The following AS3MT variants were observed in gnomAD, a reference collection of about 807,000 sequenced individuals.
AS3MT encodes arsenite methyltransferase.
AS3MT carries 47 observed loss-of-function variants against 45.3 expected under a neutral mutation model. The observed-to-expected ratio is 1.04, with a 90% confidence interval of 0.82 to 1.32. AS3MT has a LOEUF of 1.32. Among genes scored for constraint, AS3MT ranks in the 40% most tolerant of loss-of-function variants. The pLI is 0.00. For synonymous variants in AS3MT, 141 were observed against 152.8 expected (o/e 0.92, Z 0.57); for missense variants, 396 against 451.1 (o/e 0.88, Z 1.11).
At chr10:102,889,223 C>G (rs1394740845) in intron 9 of AS3MT, among the ~76,000 whole-genome samples, 1 of 152,040 alleles carries the variant, frequency 6.6e-6, no homozygotes, top group South Asian at 2.1e-4. Flanking sequence ...ATCAACTTCT[C>G]TTTATCTCCC....
intron 9 of AS3MT, among the ~76,000 whole-genome samples, chr10:102,888,413 GTCTTT>G (rs1258537847): frequency 1.3e-5 from 2 of 151,836 alleles, no homozygotes; most frequent in Admixed American, 6.6e-5. Flanking sequence ...TTCAATATTT[GTCTTT>G]TCTTTTCTTT....
intron 3 of AS3MT, among the ~76,000 whole-genome samples, chr10:102,871,837 G>C (rs1377282869): frequency 6.6e-6 from 1 of 152,154 alleles, no homozygotes; most frequent in Non-Finnish European, 1.5e-5. Flanking sequence ...GCCTGAATTA[G>C]AAGCTCAGCT....
chr10:102,869,484 C>G lies in AS3MT; in HGVS notation c.-109C>G, dbSNP rs1844634888. 3 of 1,534,636 alleles carry G rather than the reference C, an allele frequency of 2.0e-6. No individual in the cohort carries two copies. Among genetic ancestry groups the G allele is most frequent in the Non-Finnish European group, 2.6e-6 (3 of 1,147,056 alleles). Reference sequence around the variant, plus strand: ...GGGGCCTCGGCACAGGAGCTGGCTGCGGGAGCCCGCCGTCCTGAGTCGCAG... The same window carrying G: ...GGGGCCTCGGCACAGGAGCTGGCTGGGGGAGCCCGCCGTCCTGAGTCGCAG... On this transcript the variant is annotated 5_prime_UTR_variant, in exon 1 of 11. Transcript: ENST00000369880.
At chr10:102,869,894 G>A (rs920257953) in intron 2 of AS3MT, 49 bp downstream of exon 2, 1 of 1,610,322 alleles carries the variant, frequency 6.2e-7, no homozygotes, top group Admixed American at 1.7e-5. Context: ...TAGGCTAATG[G>A]AAGTCTGGCC....
chr10:102,898,557 T>C (rs1175902365), intron 10 of AS3MT, among the ~76,000 whole-genome samples: 1 of 151,992 alleles, frequency 6.6e-6, no homozygotes, highest in Non-Finnish European at 1.5e-5. Flanking sequence ...GCCACTGCAC[T>C]CCAGCCTCGG....
At position 102,870,291 on chromosome 10, in the gene AS3MT, T is replaced by C; in HGVS notation, c.170+80T>C. 3 of 1,550,400 alleles carry C rather than the reference T, an allele frequency of 1.9e-6. No individual in the cohort carries two copies. In the South Asian group the frequency reaches 3.5e-5, roughly 18 times the overall value. ...GATAATGATGCAGGTCACTAGGGAATTAACCCGTAGCCACCAACCCATCAG... is the reference window on the plus strand; with the variant it reads ...GATAATGATGCAGGTCACTAGGGAACTAACCCGTAGCCACCAACCCATCAG... On this transcript the variant is annotated intron_variant, in intron 3 of 10. Coordinates refer to ENST00000369880, the MANE Select transcript of AS3MT (RefSeq NM_020682.4).
At position 102,872,544 on chromosome 10, in the gene AS3MT, C is replaced by A. The variant is rs144713814; in HGVS notation, c.267C>A (p.Ser89Arg). The A allele has an allele frequency of 1.2e-4, 193 of 1,613,822 alleles. No homozygotes were observed. The East Asian group carries it at 3.3e-3, about 28-fold the overall frequency. ...GTGGCAGAGATTGCTATGTACTTAG[C>A]CAGCTGGTTGGTGAAAAAGGACACG... ...SGSGRDCYVL[S>R]QLVGEKGHVT... is the part of the protein sequence containing the mutation. Residue 89 changes from serine to arginine, a missense_variant, in exon 4 of 11, where the codon AGC (serine) becomes AGA (arginine). Physicochemically the swap from Ser to Arg is moderately radical, Grantham distance 110 (BLOSUM62 -1). Coordinates refer to ENST00000369880, the MANE Select transcript of AS3MT (RefSeq NM_020682.4).
In AS3MT at chr10:102,881,830, G is replaced by A. The variant is rs1844870290; in HGVS notation, c.885+2839G>A. On this transcript the variant is annotated intron_variant, in intron 9 of 10. Coordinates refer to ENST00000369880, the MANE Select transcript of AS3MT (RefSeq NM_020682.4). This position sits in a 1 kb window ranked among gnomAD's most constrained non-coding sequence, Gnocchi z 4.2. ...AGCTCACTGTAACCTCAAACTCCTG[G>A]GCTCAAGCGATTCTCCCATCTCAGC... 6.6e-6 allele frequency among the ~76,000 whole-genome samples: 1 copy of A among 152,084 alleles called. No individual in the cohort carries two copies. The highest frequency in any genetic ancestry group is 1.5e-5 in the Non-Finnish European group (1 of 68,018).
intron 9 of AS3MT, among the ~76,000 whole-genome samples, chr10:102,889,714 C>T (rs942567858): frequency 2.7e-4 from 40 of 145,742 alleles, no homozygotes; most frequent in Admixed American, 1.7e-3. Context: ...CTGGCTCTGT[C>T]GCCCAGGCTG....
Position 102,876,955 on chromosome 10 carries a change from A to T in AS3MT, c.530A>T (p.His177Leu). 1.2e-6 allele frequency: 2 copies of T among 1,614,086 alleles called. No homozygotes were observed. Among genetic ancestry groups the T allele is most frequent in the Non-Finnish European group, 1.7e-6 (2 of 1,179,944 alleles). ...VLQEAYRVLK[H>L]GGELYFSDVY... The stretch of plus-strand genomic sequence containing the variant: ...TGGACTAATATGCCTCTGTTTCAGC[A>T]TGGTGGGGAGTTATATTTCAGTGAC... The change falls in exon 7 of 11, where the codon CAT (histidine) becomes CTT (leucine). Residue 177 changes from histidine (H) to leucine (L), a missense_variant and splice_region_variant. Physicochemically the swap from His to Leu is moderately conservative, Grantham distance 99 (BLOSUM62 -3). Transcript: ENST00000369880.
Position 102,900,665 on chromosome 10 carries a change from G to C in AS3MT, c.1093G>C (p.Ala365Pro), listed in dbSNP as rs769572838. ...GAAGTCCAGATGTGTCCCTGATGCT[G>C]CTGGAGGCTGCTGTGGCACAAAGAA... The part of the protein sequence containing the change: ...SMKSRCVPDA[A>P]GGCCGTKKSC The change falls in exon 11 of 11, where the codon GCT (alanine) becomes CCT (proline). Residue 365 changes from alanine to proline, a missense_variant. By Grantham distance (27) the Ala-to-Pro change is conservative. Transcript: ENST00000369880. The C allele has an allele frequency of 3.7e-6, 6 of 1,614,042 alleles. No homozygotes were observed. Among genetic ancestry groups the C allele is most frequent in the Non-Finnish European group, 5.1e-6 (6 of 1,179,992 alleles).
chr10:102,870,664 G>T (rs1023018955), intron 3 of AS3MT, among the ~76,000 whole-genome samples: 1 of 152,156 alleles, frequency 6.6e-6, no homozygotes, highest in African/African-American at 2.4e-5. Flanking sequence ...CAAGATATGC[G>T]CAGTTCAGCA....
At chr10:102,878,273 T>A in intron 7 of AS3MT, 106 bp from the exon 8 acceptor site, 1 of 1,454,584 alleles carries the variant, frequency 6.9e-7, no homozygotes, top group Non-Finnish European at 9.2e-7. Context: ...AGGATCTATG[T>A]TTTAACTAAT....
intron 7 of AS3MT, among the ~76,000 whole-genome samples, 158 bp downstream of exon 7, chr10:102,877,193 T>A (rs1345547376): frequency 6.6e-6 from 1 of 152,264 alleles, no homozygotes; most frequent in Non-Finnish European, 1.5e-5. Flanking sequence ...GTGATAGGGC[T>A]TTGGATAGTT....
In AS3MT at chr10:102,880,144, G is replaced by T. The variant is rs533577124; in HGVS notation, c.885+1153G>T. Among the ~76,000 whole-genome samples the T allele has an allele frequency of 9.2e-5, 14 of 152,246 alleles. No homozygotes were observed. In the East Asian group the frequency reaches 2.5e-3, roughly 27 times the overall value. On this transcript the variant is annotated intron_variant, in intron 9 of 10. Coordinates refer to ENST00000369880, the MANE Select transcript of AS3MT (RefSeq NM_020682.4). ...ACAATAGTATTTCAATTGTTTAATT[G>T]TGTCAAGGAATTAAGAAATTTTAAT...
chr10:102,899,611 G>C (rs1181481975), intron 10 of AS3MT, among the ~76,000 whole-genome samples: 1 of 151,656 alleles, frequency 6.6e-6, no homozygotes, highest in African/African-American at 2.4e-5. Context: ...TAAGTAGTAG[G>C]ACTGTAAATT....
intron 4 of AS3MT, 152 bp from the exon 5 acceptor site, chr10:102,872,945 G>T: frequency 1.5e-6 from 1 of 677,128 alleles, no homozygotes; most frequent in East Asian, 2.9e-5. Flanking sequence ...TTATGTCCCA[G>T]GTTGTAGTAT....
At chr10:102,873,293 A>C in intron 5 of AS3MT, 60 bp downstream of exon 5, 6 of 1,287,626 alleles carry the variant, frequency 4.7e-6, no homozygotes, top group Non-Finnish European at 6.1e-6. Context: ...TATTATTATT[A>C]TTATTGAGAT....
At chr10:102,872,626 A>G in intron 4 of AS3MT, 28 bp downstream of exon 4, 1 of 1,569,802 alleles carries the variant, frequency 6.4e-7, no homozygotes. Flanking sequence ...AGACAAGGAG[A>G]AAAAGATTCT....
Sources: gnomAD v4.1 joint callset for allele counts (sites outside exome capture counted in the v4.1 genomes callset) on GRCh38, gnomAD v4.1.1 for gene constraint, Gnocchi (gnomAD v3.1) non-coding constraint, MANE v1.5 for transcripts, NCBI Gene and HGNC (gene_info 2026-07-23, HGNC 2026-07-21) for gene names.